Variants in FAF1 observed in about 807,000 individuals in gnomAD.
FAF1 encodes the protein Fas associated factor 1, also known as FAS-associated factor 1.
A neutral mutation model predicts 92.5 loss-of-function variants in FAF1; 25 were observed. The observed-to-expected ratio is 0.27, with a 90% CI of 0.20 to 0.38. The LOEUF (loss-of-function observed/expected upper bound fraction) is 0.38. Ranked by LOEUF, FAF1 falls within the 10% of genes least tolerant of loss-of-function variation. FAF1 has a pLI of 1.00. For synonymous variants in FAF1, 234 were observed against 273.2 expected (o/e 0.86, Z 1.42); for missense variants, 636 against 793.3 (o/e 0.80, Z 2.38).
At position 50,794,000 on chromosome 1, in the gene FAF1, C is replaced by T. The variant is rs371440328; in HGVS notation, c.162-5795G>A. Among the ~76,000 whole-genome samples the T allele has an allele frequency of 2.2e-4, 33 of 152,230 alleles. No individual in the cohort carries two copies. In the South Asian group the frequency reaches 4.8e-3, roughly 22 times the overall value. Reference sequence around the variant, plus strand: ...ATTAGGAATGCTCAACCAACCAGTACGTATAATGCAAATATTCTCAAATCT... The same window carrying T: ...ATTAGGAATGCTCAACCAACCAGTATGTATAATGCAAATATTCTCAAATCT... On this transcript the variant is annotated intron_variant, in intron 3 of 18. Coordinates refer to ENST00000396153, the MANE Select transcript of FAF1 (RefSeq NM_007051.3).
intron 17 of FAF1, among the ~76,000 whole-genome samples, chr1:50,482,651 T>C (rs1646716893): frequency 6.6e-6 from 1 of 152,184 alleles, no homozygotes; most frequent in Non-Finnish European, 1.5e-5. Context: ...GTTCAGTTGC[T>C]CCTCATCTTT....
At chr1:50,807,758 T>C (rs1332030644) in intron 2 of FAF1, among the ~76,000 whole-genome samples, 2 of 151,942 alleles carry the variant, frequency 1.3e-5, no homozygotes, top group African/African-American at 2.4e-5. Flanking sequence ...CTCCAAGAAA[T>C]ATGGGATTAT....
intron 2 of FAF1, among the ~76,000 whole-genome samples, chr1:50,833,649 T>TTCC (rs1644175602): frequency 6.6e-6 from 1 of 152,094 alleles, no homozygotes; most frequent in South Asian, 2.1e-4. Flanking sequence ...TAATCAAGGC[T>TTCC]TGTTCTTCCT....
intron 2 of FAF1, among the ~76,000 whole-genome samples, chr1:50,812,391 AC>A (rs1380068582): frequency 6.6e-6 from 1 of 152,062 alleles, no homozygotes; most frequent in Non-Finnish European, 1.5e-5. Flanking sequence ...AAAACAAACA[AC>A]CCCATTAAAA....
chr1:50,480,494 T>C (rs1646687885), intron 17 of FAF1, among the ~76,000 whole-genome samples: 1 of 152,230 alleles, frequency 6.6e-6, no homozygotes, highest in African/African-American at 2.4e-5. Flanking sequence ...CATGAATTCT[T>C]ACTGAGCATC....
At chr1:50,581,878 A>T (rs888103268) in intron 12 of FAF1, among the ~76,000 whole-genome samples, 9 of 152,218 alleles carry the variant, frequency 5.9e-5, no homozygotes, top group South Asian at 2.1e-4. Context: ...CTGAAGCTAC[A>T]TAGATAGGCA....
At chr1:50,788,262 C>G in intron 3 of FAF1, 57 bp from the exon 4 acceptor site, 1 of 1,423,696 alleles carries the variant, frequency 7.0e-7, no homozygotes, top group Non-Finnish European at 9.9e-7. Context: ...CAGAATACTA[C>G]TAGGGACCCT....
intron 1 of FAF1, among the ~76,000 whole-genome samples, chr1:50,882,566 C>T (rs1322619041): frequency 1.3e-5 from 2 of 151,786 alleles, no homozygotes; most frequent in African/African-American, 4.8e-5. Context: ...CACCTCACTG[C>T]AGTCCAGCCT....
chr1:50,678,811 T>C (rs59136667), intron 7 of FAF1, among the ~76,000 whole-genome samples: 1 of 114,864 alleles, frequency 8.7e-6, no homozygotes, highest in African/African-American at 3.3e-5. Context: ...AAAAGGCCAG[T>C]CATGGTGGCT....
intron 7 of FAF1, among the ~76,000 whole-genome samples, chr1:50,703,472 G>C (rs1034836929): frequency 6.6e-6 from 1 of 152,008 alleles, no homozygotes; most frequent in Non-Finnish European, 1.5e-5. Context: ...AAGTTGTACA[G>C]AATAAAACAG....
At chr1:50,476,060 C>A (rs1222384210) in intron 17 of FAF1, among the ~76,000 whole-genome samples, 1 of 152,060 alleles carries the variant, frequency 6.6e-6, no homozygotes, top group African/African-American at 2.4e-5. Context: ...AAAAGACACA[C>A]ACAAACAGAG....
intron 2 of FAF1, among the ~76,000 whole-genome samples, chr1:50,806,951 T>C (rs561280019): frequency 6.6e-6 from 1 of 152,322 alleles, no homozygotes; most frequent in Non-Finnish European, 1.5e-5. Flanking sequence ...AAGGTACCAG[T>C]GCAGCAAGAA....
intron 4 of FAF1, among the ~76,000 whole-genome samples, chr1:50,773,273 T>C (rs943064213): frequency 2.0e-5 from 3 of 152,176 alleles, no homozygotes; most frequent in African/African-American, 7.2e-5. Context: ...GACTCTGTTT[T>C]TACTTTAAGT....
intron 17 of FAF1, among the ~76,000 whole-genome samples, chr1:50,484,403 C>T (rs559419190): frequency 2.4e-4 from 37 of 152,150 alleles, no homozygotes; most frequent in Admixed American, 2.1e-3. Context: ...ATGAGAACAA[C>T]GGAACACTTC....
intron 15 of FAF1, among the ~76,000 whole-genome samples, chr1:50,501,912 G>A (rs1018257761): frequency 6.6e-6 from 1 of 152,132 alleles, no homozygotes; most frequent in Non-Finnish European, 1.5e-5. Context: ...GTACACAAAT[G>A]TTCATAGCAG....
At chr1:50,612,127 T>A (rs1314845271) in intron 8 of FAF1, among the ~76,000 whole-genome samples, 1 of 152,188 alleles carries the variant, frequency 6.6e-6, no homozygotes, top group Non-Finnish European at 1.5e-5. Context: ...TTATTAGAAA[T>A]GTAACATTTT....
intron 17 of FAF1, among the ~76,000 whole-genome samples, chr1:50,478,926 T>A (rs1646669131): frequency 6.6e-6 from 1 of 152,230 alleles, no homozygotes; most frequent in Admixed American, 6.5e-5. Flanking sequence ...GTGTACAACT[T>A]GATAAAGTTT....
intron 7 of FAF1, among the ~76,000 whole-genome samples, chr1:50,680,189 T>C (rs1656357194): frequency 6.6e-6 from 1 of 152,232 alleles, no homozygotes; most frequent in Non-Finnish European, 1.5e-5. Context: ...TAATGTTTTA[T>C]GAAACTAGGG....
At chr1:50,770,000 G>A (rs541135357) in intron 4 of FAF1, among the ~76,000 whole-genome samples, 41 of 152,138 alleles carry the variant, frequency 2.7e-4, no homozygotes, top group Non-Finnish European at 4.1e-4. Context: ...GCAGTGAGCC[G>A]AGATCACGCC....
Sources: allele counts gnomAD v4.1 joint callset (sites outside exome capture counted in the v4.1 genomes callset), GRCh38; gene constraint gnomAD v4.1.1; transcripts MANE v1.5; gene names NCBI Gene and HGNC (gene_info 2026-07-23, HGNC 2026-07-21).